Variants in ADAM7 observed in about 807,000 individuals in gnomAD.
ADAM7 encodes the protein ADAM metallopeptidase domain 7.
In ADAM7, 97 loss-of-function variants were observed where a neutral mutation model predicts 102.9. That is an observed-to-expected ratio of 0.94 (90% CI 0.80 to 1.12). The LOEUF is 1.12. Among genes scored for constraint, ADAM7 ranks in the 50% most tolerant of loss-of-function variants. The pLI, the probability that ADAM7 is intolerant of heterozygous loss-of-function variation, is 0.00. For missense variants in ADAM7, 991 were observed against 908.7 expected, an observed-to-expected ratio of 1.09 and a Z score of -1.16; for synonymous variants, 334 against 304.4, an observed-to-expected ratio of 1.10 and a Z score of -1.01.
At position 24,489,735 on chromosome 8, in the gene ADAM7, T is replaced by A. The variant is rs537079534; in HGVS notation, c.1266+402T>A. On this transcript the variant is annotated intron_variant, in intron 12 of 21. Coordinates refer to ENST00000175238, the MANE Select transcript of ADAM7 (RefSeq NM_003817.4). ...GCCTGTATCACAGCTGGACAGTTCCTGTTAATAGAAAACTCTTTCTTAATA... is the reference window on the plus strand; with the variant it reads ...GCCTGTATCACAGCTGGACAGTTCCAGTTAATAGAAAACTCTTTCTTAATA... Among the ~76,000 whole-genome samples the A allele has an allele frequency of 2.0e-3, 306 of 152,318 alleles. 4 individuals carry two copies. Among genetic ancestry groups the A allele is most frequent in the Non-Finnish European group, 3.4e-4 (23 of 68,010 alleles).
chr8:24,498,545 A>AT (rs1248673648), intron 16 of ADAM7, among the ~76,000 whole-genome samples: 1 of 137,652 alleles, frequency 7.3e-6, no homozygotes, highest in Admixed American at 7.8e-5. Context: ...TGAAAGGACT[A>AT]AGAGTATATA....
intron 20 of ADAM7, 67 bp from the exon 21 acceptor site, chr8:24,507,411 CTG>C: frequency 8.0e-7 from 1 of 1,246,808 alleles, no homozygotes; most frequent in East Asian, 2.3e-5. Flanking sequence ...ACATGCATGT[CTG>C]TGTGTGGATG....
chr8:24,504,685 C>T (rs553560751), intron 20 of ADAM7, among the ~76,000 whole-genome samples: 4 of 152,110 alleles, frequency 2.6e-5, no homozygotes, highest in East Asian at 3.9e-4. Flanking sequence ...CCAGAGGTTT[C>T]GAATGCTTTG....
intron 16 of ADAM7, among the ~76,000 whole-genome samples, chr8:24,494,689 G>A (rs1285053456): frequency 6.6e-6 from 1 of 151,172 alleles, no homozygotes; most frequent in Non-Finnish European, 1.5e-5. Context: ...GCCAGTCTAT[G>A]TAGGTATCAC....
At position 24,477,569 on chromosome 8, in the gene ADAM7, AGTGT is replaced by A. The variant is rs370769372; in HGVS notation, c.705+1087_705+1090del. ...TGTGTCCCTTGGGCATACCCTCATCAGTGTGTGTGTGTGTGTGTGTGTGTGGTAT... is the reference window on the plus strand; with the variant it reads ...TGTGTCCCTTGGGCATACCCTCATCAGTGTGTGTGTGTGTGTGTGTGGTAT... On this transcript the variant is annotated intron_variant, in intron 8 of 21. Transcript: ENST00000175238. 1.0e-4 allele frequency among the ~76,000 whole-genome samples: 15 copies of A among 145,670 alleles called. No homozygotes were observed. In the South Asian group the frequency reaches 2.0e-3, roughly 20 times the overall value.
At chr8:24,458,508 G>C (rs1819122370) in intron 3 of ADAM7, among the ~76,000 whole-genome samples, 1 of 152,034 alleles carries the variant, frequency 6.6e-6, no homozygotes, top group Non-Finnish European at 1.5e-5. Context: ...TTTAGGCTTT[G>C]GATTTGAGAA....
rs188438133 is a variant in ADAM7, at chr8:24,465,862, C to A, written c.389+87C>A. The stretch of plus-strand genomic sequence containing the variant: ...ACTTTGTTGATTTTGTTTTATCACT[C>A]CTGGTATATAGAAAAATTAATGAGA... On this transcript the variant is annotated intron_variant, in intron 5 of 21. Coordinates refer to ENST00000175238, the MANE Select transcript of ADAM7 (RefSeq NM_003817.4). 35 of 973,408 alleles carry A rather than the reference C, an allele frequency of 3.6e-5. No individual in the cohort carries two copies. The East Asian group carries it at 4.0e-4, about 11-fold the overall frequency. 60.3% of individuals were successfully genotyped at this position (973,408 alleles called of 1,614,324 possible).
intron 10 of ADAM7, among the ~76,000 whole-genome samples, chr8:24,486,807 A>C (rs1820160098): frequency 6.6e-6 from 1 of 152,136 alleles, no homozygotes; most frequent in South Asian, 2.1e-4. Context: ...TTCACCTCCT[A>C]GTGTCATCAC....
intron 8 of ADAM7, among the ~76,000 whole-genome samples, chr8:24,478,685 A>C (rs1819849656): frequency 6.6e-6 from 1 of 152,134 alleles, no homozygotes; most frequent in Admixed American, 6.6e-5. Context: ...TGGATAACTA[A>C]TTTAAATTTC....
chr8:24,497,183 C>T (rs1250398867), intron 16 of ADAM7, among the ~76,000 whole-genome samples: 2 of 152,184 alleles, frequency 1.3e-5, no homozygotes, highest in Non-Finnish European at 2.9e-5. Flanking sequence ...ATGTGACTTG[C>T]TCCTCCTTGC....
chr8:24,448,178 G>T (rs1818637777), intron 3 of ADAM7, among the ~76,000 whole-genome samples: 1 of 152,108 alleles, frequency 6.6e-6, no homozygotes, highest in African/African-American at 2.4e-5. Context: ...ATATGAGACA[G>T]ATATTGTTTA....
At position 24,480,622 on chromosome 8, in the gene ADAM7, G is replaced by C. The variant is rs10098389; in HGVS notation, c.706-1520G>C. Reference sequence around the variant, plus strand: ...CATCAGAAGGACAAATAATATTTCCGTTTGCACTTGTGTGTAGTTTTGTAA... The same window carrying C: ...CATCAGAAGGACAAATAATATTTCCCTTTGCACTTGTGTGTAGTTTTGTAA... On this transcript the variant is annotated intron_variant, in intron 8 of 21. Transcript: ENST00000175238. Among the ~76,000 whole-genome samples the C allele has an allele frequency of 5.0e-3, 757 of 152,204 alleles. 8 individuals are homozygous for C. The highest frequency in any genetic ancestry group is 0.017 in the African/African-American group (721 of 41,528).
rs1820789706 is a variant in ADAM7 at position 24,502,298 on chromosome 8, C to T, written c.2208+722C>T. On this transcript the variant is annotated intron_variant, in intron 20 of 21. Transcript: ENST00000175238. ...GTAGAGGAAAATGTATAGCGCTTAT[C>T]TGCTTCTGTTTGAAAAGAAGAAAAA... is the stretch of plus-strand genomic sequence containing the variant. Among the ~76,000 whole-genome samples, 11 of 152,120 alleles carry T rather than the reference C, an allele frequency of 7.2e-5. 1 individual carries two copies. The South Asian group carries it at 2.3e-3, about 32-fold the overall frequency.
rs1442401101 is a variant in ADAM7, at chr8:24,449,041, C to A, written c.233+1779C>A. 3.3e-5 allele frequency among the ~76,000 whole-genome samples: 5 copies of A among 152,236 alleles called. 1 individual carries two copies. Among genetic ancestry groups the A allele is most frequent in the African/African-American group, 9.6e-5 (4 of 41,546 alleles). ...TGTATATGTGCCACATTTTCTTAAT[C>A]CAGTCTATTATTGTTGGACATGTGG... On this transcript the variant is annotated intron_variant, in intron 3 of 21. Coordinates refer to ENST00000175238, the MANE Select transcript of ADAM7 (RefSeq NM_003817.4).
In ADAM7 at chr8:24,490,830, C is replaced by G. The variant is rs1563392032; in HGVS notation, c.1298C>G (p.Thr433Arg). The G allele has an allele frequency of 1.2e-6, 2 of 1,613,816 alleles. No homozygotes were observed. Among genetic ancestry groups the G allele is most frequent in the South Asian group, 2.2e-5 (2 of 91,052 alleles). Residue 433 changes from threonine (T) to arginine (R), a missense_variant, in exon 13 of 22, where the codon ACA becomes AGA. Transcript: ENST00000175238. ...ACTAATCCTTGCTGTGATGCACACA[C>G]ATGTGTACTGAAGCCAGGATTTACT... is the stretch of plus-strand genomic sequence containing the variant. ...ECTNPCCDAH[T>R]CVLKPGFTCA...
chr8:24,482,801 T>C (rs930749210), intron 9 of ADAM7, among the ~76,000 whole-genome samples: 1 of 152,176 alleles, frequency 6.6e-6, no homozygotes, highest in Non-Finnish European at 1.5e-5. Flanking sequence ...AATCTTTCTT[T>C]CTAATATTAA....
chr8:24,459,760 T>G (rs1819172975), intron 3 of ADAM7, among the ~76,000 whole-genome samples: 1 of 152,220 alleles, frequency 6.6e-6, no homozygotes, highest in South Asian at 2.1e-4. Context: ...ATACCTGACC[T>G]GATTTTTCTT....
chr8:24,489,753 T>C (rs1820275691), intron 12 of ADAM7, among the ~76,000 whole-genome samples: 1 of 152,182 alleles, frequency 6.6e-6, no homozygotes, highest in South Asian at 2.1e-4. Context: ...GAAAACTCTT[T>C]CTTAATAGAG....
chr8:24,503,600 AC>A (rs1483418429), intron 20 of ADAM7, among the ~76,000 whole-genome samples: 1 of 152,190 alleles, frequency 6.6e-6, no homozygotes, highest in African/African-American at 2.4e-5. Context: ...AGCACTATTC[AC>A]AATAGCAAAG....
Sources: allele counts gnomAD v4.1 joint callset (sites outside exome capture counted in the v4.1 genomes callset), GRCh38; gene constraint gnomAD v4.1.1; transcripts MANE v1.5; gene names NCBI Gene and HGNC (gene_info 2026-07-23, HGNC 2026-07-21).